GULP1: variants seen among roughly 807,000 people sequenced by gnomAD.
The protein encoded by GULP1 is GULP PTB domain containing engulfment adaptor 1.
In GULP1, 19 loss-of-function variants were observed where a neutral mutation model predicts 40.9. The ratio of observed to expected loss-of-function variants is 0.46; its 90% CI spans 0.32 to 0.68. The LOEUF is 0.68. GULP1 is among the 30% of genes least tolerant of loss of function. GULP1 has a pLI of 0.03. For missense variants in GULP1, 312 were observed against 362.2 expected, an observed-to-expected ratio of 0.86 and a Z score of 1.12; for synonymous variants, 119 against 117.6, an observed-to-expected ratio of 1.01 and a Z score of -0.08.
At chr2:188,413,673 G>A (rs1296124671) in intron 2 of GULP1, among the ~76,000 whole-genome samples, 1 of 152,118 alleles carries the variant, frequency 6.6e-6, no homozygotes, top group Admixed American at 6.6e-5. Context: ...TTGGGGTATA[G>A]TTTATTTCTG....
chr2:188,358,825 T>A (rs566258636), intron 1 of GULP1, among the ~76,000 whole-genome samples: 1 of 152,236 alleles, frequency 6.6e-6, no homozygotes, highest in East Asian at 1.9e-4. Context: ...GTTGTAATAG[T>A]CATTAGTTTA....
At chr2:188,424,125 T>C (rs1226258830) in intron 2 of GULP1, among the ~76,000 whole-genome samples, 1 of 151,876 alleles carries the variant, frequency 6.6e-6, no homozygotes, top group Non-Finnish European at 1.5e-5. Flanking sequence ...AGTGCAAAAC[T>C]GAATACCAAA....
At chr2:188,494,022 G>A (rs1035835710) in intron 4 of GULP1, among the ~76,000 whole-genome samples, 1 of 151,928 alleles carries the variant, frequency 6.6e-6, no homozygotes, top group African/African-American at 2.4e-5. Context: ...CCAGTCTCTG[G>A]ATAATGTGTT....
intron 1 of GULP1, among the ~76,000 whole-genome samples, chr2:188,321,981 T>A (rs1670316795): frequency 6.6e-6 from 1 of 152,028 alleles, no homozygotes; most frequent in Admixed American, 6.6e-5. Context: ...AGCAAGATTG[T>A]GCCATTGCAC....
intron 2 of GULP1, among the ~76,000 whole-genome samples, chr2:188,403,138 G>A (rs1221143530): frequency 6.6e-6 from 1 of 152,018 alleles, no homozygotes; most frequent in African/African-American, 2.4e-5. Context: ...TCAGCTCTAT[G>A]CTAGACATAT....
intron 5 of GULP1, among the ~76,000 whole-genome samples, chr2:188,523,954 C>T (rs1685484090): frequency 1.3e-5 from 2 of 152,108 alleles, no homozygotes; most frequent in South Asian, 2.1e-4. Context: ...TATTTATTTC[C>T]ACCATTCATT....
At chr2:188,582,966 A>G (rs564550003) in intron 9 of GULP1, among the ~76,000 whole-genome samples, 2 of 152,348 alleles carry the variant, frequency 1.3e-5, no homozygotes, top group East Asian at 1.9e-4. Flanking sequence ...AAGGAAAAAG[A>G]AAAACAGAAT....
At chr2:188,540,410 C>A (rs890355765) in intron 6 of GULP1, among the ~76,000 whole-genome samples, 1 of 142,918 alleles carries the variant, frequency 7.0e-6, no homozygotes, top group Non-Finnish European at 1.5e-5. Flanking sequence ...TATATACCTT[C>A]TATTTTATAA....
At chr2:188,438,690 G>T (rs868472674) in intron 2 of GULP1, among the ~76,000 whole-genome samples, 2 of 151,490 alleles carry the variant, frequency 1.3e-5, no homozygotes, top group South Asian at 2.1e-4. Flanking sequence ...TGTAAAGAAG[G>T]CACAAAATAA....
At chr2:188,528,396 A>G (rs1396589802) in intron 5 of GULP1, among the ~76,000 whole-genome samples, 1 of 152,112 alleles carries the variant, frequency 6.6e-6, no homozygotes, top group Non-Finnish European at 1.5e-5. Flanking sequence ...TGCTAAGCAC[A>G]TGAGTATTCT....
intron 1 of GULP1, among the ~76,000 whole-genome samples, chr2:188,346,676 A>G (rs946725278): frequency 6.6e-6 from 1 of 151,558 alleles, no homozygotes; most frequent in Non-Finnish European, 1.5e-5. Flanking sequence ...GTATTTATCC[A>G]TGGTGAGTAT....
intron 2 of GULP1, among the ~76,000 whole-genome samples, chr2:188,434,805 A>C (rs2057250702): frequency 6.6e-6 from 1 of 151,702 alleles, no homozygotes; most frequent in Admixed American, 6.6e-5. Context: ...GCTCATTTTG[A>C]AAAATTAGGC....
intron 1 of GULP1, among the ~76,000 whole-genome samples, chr2:188,298,355 A>C (rs1161315386): frequency 6.6e-6 from 1 of 151,780 alleles, no homozygotes. Flanking sequence ...GAATATGTTA[A>C]TTAAATATAA....
chr2:188,550,774 T>C (rs978942057), intron 7 of GULP1, among the ~76,000 whole-genome samples: 1 of 151,598 alleles, frequency 6.6e-6, no homozygotes, highest in African/African-American at 2.4e-5. Flanking sequence ...AATTTTTGAA[T>C]CACATTTATC....
intron 2 of GULP1, among the ~76,000 whole-genome samples, chr2:188,459,397 G>A (rs2059526766): frequency 6.6e-6 from 1 of 151,998 alleles, no homozygotes; most frequent in Admixed American, 6.6e-5. Flanking sequence ...TTTAATGGGA[G>A]GGAAAGAATG....
chr2:188,416,955 C>T (rs1247706426), intron 2 of GULP1, among the ~76,000 whole-genome samples: 2 of 152,010 alleles, frequency 1.3e-5, no homozygotes, highest in Non-Finnish European at 1.5e-5. Context: ...ATTGTATGTT[C>T]GGTTTTTGAA....
chr2:188,432,727 C>A (rs2057005780), intron 2 of GULP1, among the ~76,000 whole-genome samples: 1 of 151,938 alleles, frequency 6.6e-6, no homozygotes, highest in Non-Finnish European at 1.5e-5. Flanking sequence ...TAATTTAAAA[C>A]TCAGCTTATT....
chr2:188,523,201 A>G (rs1175909684), intron 5 of GULP1, among the ~76,000 whole-genome samples: 1 of 152,200 alleles, frequency 6.6e-6, no homozygotes, highest in African/African-American at 2.4e-5. Context: ...AAGCTAAGAT[A>G]TAATATCCAC....
chr2:188,433,520 G>A (rs1016479862), intron 2 of GULP1, among the ~76,000 whole-genome samples: 3 of 152,088 alleles, frequency 2.0e-5, no homozygotes, highest in Non-Finnish European at 4.4e-5. Context: ...AACAAGCTCA[G>A]ACTAAACCAA....
Sources: allele counts gnomAD v4.1 joint callset (sites outside exome capture counted in the v4.1 genomes callset), GRCh38; gene constraint gnomAD v4.1.1; transcripts MANE v1.5; gene names NCBI Gene and HGNC (gene_info 2026-07-23, HGNC 2026-07-21).